ZNF280D: variants seen among roughly 807,000 people sequenced by gnomAD.
ZNF280D encodes the protein zinc finger protein 280D.
ZNF280D carries 39 observed loss-of-function variants against 94.7 expected under a neutral mutation model. The ratio of observed to expected loss-of-function variants is 0.41; its 90% CI spans 0.32 to 0.54. ZNF280D has a LOEUF of 0.54. Among genes scored for constraint, ZNF280D ranks in the 20% least tolerant of loss-of-function variants. The pLI is 0.22. For synonymous variants in ZNF280D, 398 were observed against 377.6 expected, an observed-to-expected ratio of 1.05 and a Z score of -0.63; for missense variants, 1,090 against 1,149.3, an observed-to-expected ratio of 0.95 and a Z score of 0.75.
chr15:56,677,020 C>T (rs2055278577), intron 12 of ZNF280D, among the ~76,000 whole-genome samples: 1 of 152,142 alleles, frequency 6.6e-6, no homozygotes, highest in Non-Finnish European at 1.5e-5. Flanking sequence ...TTAAGGGATA[C>T]ATCCCAAAAC....
chr15:56,702,236 T>C (rs1229118184), intron 4 of ZNF280D, among the ~76,000 whole-genome samples: 6 of 152,144 alleles, frequency 3.9e-5, no homozygotes. Flanking sequence ...CTTGAAACTG[T>C]TTTCATTCAG....
chr15:56,689,399 G>C lies in ZNF280D; in HGVS notation c.571C>G (p.Pro191Ala), dbSNP rs545962406. The C allele has an allele frequency of 3.7e-6, 6 of 1,604,506 alleles. No homozygotes were observed. The highest frequency in any genetic ancestry group is 1.7e-5 in the Admixed American group (1 of 59,060). Residue 191 changes from proline (P) to alanine (A), a missense_variant, in exon 8 of 22, where the codon CCT becomes GCT. Coordinates refer to ENST00000267807, the MANE Select transcript of ZNF280D (RefSeq NM_017661.4). ...CCAGAAACACTTTCGCTGGGTTTAG[G>C]CTTCTTTGGATTAACATTATTTACT... is the stretch of plus-strand genomic sequence containing the variant. Reference protein sequence around the residue: ...SEVNNVNPKKPKPSESVSGAN... With the variant: ...SEVNNVNPKKAKPSESVSGAN...
At chr15:56,662,248 A>G (rs2053990242) in intron 16 of ZNF280D, among the ~76,000 whole-genome samples, 1 of 152,172 alleles carries the variant, frequency 6.6e-6, no homozygotes, top group African/African-American at 2.4e-5. Context: ...GCTATAAGCC[A>G]ATAAGGTACA....
chr15:56,724,220 T>G (rs2058519495), intron 1 of ZNF280D, among the ~76,000 whole-genome samples: 1 of 152,242 alleles, frequency 6.6e-6, no homozygotes, highest in Non-Finnish European at 1.5e-5. Flanking sequence ...GTACTTGGTC[T>G]CTCAGCATCC....
rs11338739 is a variant in ZNF280D at position 56,669,888 on chromosome 15, T to A, written c.1411-931A>T. Among the ~76,000 whole-genome samples, 23 of 4,766 alleles carry A rather than the reference T, an allele frequency of 4.8e-3. 2 individuals are homozygous for A. Among genetic ancestry groups the A allele is most frequent in the African/African-American group, 0.011 (22 of 2,068 alleles). 3.1% of individuals were successfully genotyped at this position (4,766 alleles called of 152,430 possible). On this transcript the variant is annotated intron_variant, in intron 13 of 21. Coordinates refer to ENST00000267807, the MANE Select transcript of ZNF280D (RefSeq NM_017661.4). ...TATATATATTTTATATATATATATA[T>A]TATATATATATATAATATATATATA...
chr15:56,733,299 G>A (rs948824080), intron 1 of ZNF280D, among the ~76,000 whole-genome samples, 159 bp downstream of exon 1: 1 of 152,014 alleles, frequency 6.6e-6, no homozygotes, highest in East Asian at 1.9e-4. Context: ...GGCCGCCGCC[G>A]CGCAGCCGGT....
intron 1 of ZNF280D, among the ~76,000 whole-genome samples, chr15:56,719,886 T>TAA (rs35398429): frequency 2.9e-3 from 294 of 101,696 alleles, no homozygotes; most frequent in Non-Finnish European, 5.0e-3. Context: ...ACTTTATTGC[T>TAA]AAAAAAAAAA....
chr15:56,703,033 A>T (rs771907686), intron 4 of ZNF280D, among the ~76,000 whole-genome samples: 2 of 152,018 alleles, frequency 1.3e-5, no homozygotes, highest in Non-Finnish European at 2.9e-5. Flanking sequence ...ATGAAATGGA[A>T]AAGGATCTAT....
chr15:56,704,190 C>A lies in ZNF280D; in HGVS notation c.106G>T (p.Val36Phe). Residue 36 changes from valine to phenylalanine, a missense_variant, in exon 4 of 22, where the codon GTT becomes TTT. Val to Phe is a conservative substitution (Grantham distance 50). Around this residue, in one of 3 missense-constraint regions of ZNF280D, gnomAD observed 386 missense variants for 372.0 expected, o/e 1.04. Coordinates refer to ENST00000267807, the MANE Select transcript of ZNF280D (RefSeq NM_017661.4). ...GGCTCATCATCATCGTCATCCTCAA[C>A]TTCTTTTACTTTCTTCTGCCATGGT... Reference protein sequence around the residue: ...LEPWQKKVKEVEDDDDDEPIF... With the variant: ...LEPWQKKVKEFEDDDDDEPIF... 1 of 1,613,732 alleles carries A rather than the reference C, an allele frequency of 6.2e-7. No individual in the cohort carries two copies. Among genetic ancestry groups the A allele is most frequent in the Non-Finnish European group, 8.5e-7 (1 of 1,179,856 alleles).
At chr15:56,679,071 A>G (rs1316669200) in intron 10 of ZNF280D, among the ~76,000 whole-genome samples, 3 of 152,210 alleles carry the variant, frequency 2.0e-5, no homozygotes, top group African/African-American at 7.2e-5. Flanking sequence ...ACAATTTGAT[A>G]TAACTCTTAA....
At chr15:56,654,819 C>T in intron 17 of ZNF280D, 2 of 476,406 alleles carry the variant, frequency 4.2e-6, no homozygotes, top group Middle Eastern at 6.3e-4. Flanking sequence ...AGGCAAGTCA[C>T]ATTCTATTTG....
At chr15:56,693,840 A>G (rs1317662015) in intron 6 of ZNF280D, among the ~76,000 whole-genome samples, 1 of 152,198 alleles carries the variant, frequency 6.6e-6, no homozygotes, top group Non-Finnish European at 1.5e-5. Context: ...GGAGAAATGT[A>G]TAAGCTATGT....
At chr15:56,702,957 A>G (rs2057174378) in intron 4 of ZNF280D, among the ~76,000 whole-genome samples, 1 of 132,034 alleles carries the variant, frequency 7.6e-6, no homozygotes, top group Non-Finnish European at 1.7e-5. Flanking sequence ...ACACACACAC[A>G]CACGCTGGTA....
chr15:56,635,326 G>A, intron 20 of ZNF280D, 76 bp from the exon 21 acceptor site: 10 of 691,200 alleles, frequency 1.4e-5, no homozygotes, highest in Non-Finnish European at 1.9e-5. Flanking sequence ...TAAACTTTCT[G>A]GATAAAAGAA....
At chr15:56,727,872 G>T (rs768109700) in intron 1 of ZNF280D, among the ~76,000 whole-genome samples, 1 of 152,058 alleles carries the variant, frequency 6.6e-6, no homozygotes, top group Non-Finnish European at 1.5e-5. Flanking sequence ...AGAGAATAAC[G>T]TATTTCTAAA....
At chr15:56,643,739 C>T (rs1335263303) in intron 19 of ZNF280D, among the ~76,000 whole-genome samples, 1 of 151,822 alleles carries the variant, frequency 6.6e-6, no homozygotes, top group Non-Finnish European at 1.5e-5. Flanking sequence ...ATACATTAAA[C>T]TCAATTTTAA....
Position 56,656,743 on chromosome 15 carries a change from A to G in ZNF280D, c.2057+1681T>C, listed in dbSNP as rs2053575638. 2.0e-5 allele frequency among the ~76,000 whole-genome samples: 3 copies of G among 152,232 alleles called. No individual in the cohort carries two copies. The South Asian group carries it at 6.2e-4, about 31-fold the overall frequency. ...CCTACTATGTGCCAGGCACAGACAA[A>G]AAAACCAAACCACACACAATATAGT... is the stretch of plus-strand genomic sequence containing the variant. On this transcript the variant is annotated intron_variant, in intron 17 of 21. Coordinates refer to ENST00000267807, the MANE Select transcript of ZNF280D (RefSeq NM_017661.4).
rs772912618 is a variant in ZNF280D, at chr15:56,700,979, G to A, written c.335C>T (p.Ser112Phe). The change falls in exon 6 of 22, where the codon TCT (serine) becomes TTT (phenylalanine). Residue 112 changes from serine to phenylalanine, a missense_variant. By Grantham distance (155) the Ser-to-Phe change is radical (BLOSUM62 -2). Around this residue, in one of 3 missense-constraint regions of ZNF280D, gnomAD observed 386 missense variants for 372.0 expected, o/e 1.04. Coordinates refer to ENST00000267807, the MANE Select transcript of ZNF280D (RefSeq NM_017661.4). ...AATAACAGAACTATCTGAAGATCTA[G>A]ACTCAGGATGAAAATTTATTGGTGA... The part of the protein sequence containing the change: ...PASPINFHPE[S>F]RSSDSSVIVQ... 2 of 1,613,804 alleles carry A rather than the reference G, an allele frequency of 1.2e-6. No individual in the cohort carries two copies. The highest frequency in any genetic ancestry group is 1.7e-6 in the Non-Finnish European group (2 of 1,179,862).
At chr15:56,700,728 T>C in intron 6 of ZNF280D, 2 of 1,461,968 alleles carry the variant, frequency 1.4e-6, no homozygotes, top group Non-Finnish European at 1.8e-6. Context: ...TGCCTGTTAT[T>C]AACAGGTTGG....
Sources: allele counts gnomAD v4.1 joint callset (sites outside exome capture counted in the v4.1 genomes callset), GRCh38; gene constraint gnomAD v4.1.1; regional missense constraint gnomAD v4.1.1; transcripts MANE v1.5; gene names NCBI Gene and HGNC (gene_info 2026-07-23, HGNC 2026-07-21).